Variants in PEX1 observed in about 807,000 individuals in gnomAD.
PEX1 encodes the protein peroxisomal biogenesis factor 1.
Under a neutral mutation model 152.5 loss-of-function variants are expected in PEX1, and 97 were observed. The ratio of observed to expected loss-of-function variants is 0.64; its 90% CI spans 0.54 to 0.75. The LOEUF (loss-of-function observed/expected upper bound fraction) is 0.75. Ranked by LOEUF, PEX1 falls within the 30% of genes least tolerant of loss-of-function variation. The probability of loss-of-function intolerance (pLI) is 0.00; values close to 1 mark genes in which losing one functional copy is unlikely to be tolerated. For synonymous variants in PEX1, 485 were observed against 531.6 expected (o/e 0.91, Z 1.21); for missense variants, 1,357 against 1,516.3 (o/e 0.89, Z 1.74).
At chr7:92,518,316 A>T (rs1433384713) in intron 3 of PEX1, 61 bp from the exon 4 acceptor site, 18 of 1,035,416 alleles carry the variant, frequency 1.7e-5, no homozygotes, top group Non-Finnish European at 4.5e-6. Flanking sequence ...ATATCTAGTT[A>T]AAAAAAATCT....
intron 3 of PEX1, 56 bp downstream of exon 3, chr7:92,518,939 G>T: frequency 8.6e-7 from 1 of 1,159,570 alleles, no homozygotes. Flanking sequence ...TAAAGACATT[G>T]ATATTGTGAA....
At position 92,513,893 on chromosome 7, in the gene PEX1, G is replaced by A. The variant is rs753982458; in HGVS notation, c.1314C>T (p.Thr438=). Residue 438 remains threonine (T), a synonymous_variant, in exon 6 of 24, where the codon ACC becomes ACT. Coordinates refer to ENST00000248633, the MANE Select transcript of PEX1 (RefSeq NM_000466.3). ...AVVRITPVEV[T]PKIPRSLKLQ... ...ACTTTAGAGATCTTGGAATTTTAGG[G>A]GTAACTTCCACTGGAGTTATCCTGA... 6.3e-7 allele frequency: 1 copy of A among 1,598,016 alleles called. No individual in the cohort carries two copies. Among genetic ancestry groups the A allele is most frequent in the South Asian group, 1.1e-5 (1 of 90,612 alleles).
At chr7:92,516,072 AAAG>A (rs767539916) in intron 5 of PEX1, among the ~76,000 whole-genome samples, 134 of 146,316 alleles carry the variant, frequency 9.2e-4, no homozygotes, top group South Asian at 2.7e-3. Context: ...AAAGAAAAGA[AAAG>A]AAAAGAAAAG....
chr7:92,490,886 A>G (rs1310137697), intron 21 of PEX1, among the ~76,000 whole-genome samples: 2 of 152,234 alleles, frequency 1.3e-5, no homozygotes, highest in Non-Finnish European at 2.9e-5. Context: ...TATCACAGAT[A>G]ACACTTTGTT....
At position 92,517,494 on chromosome 7, in the gene PEX1, G is replaced by C. The variant is rs137856931; in HGVS notation, c.1021C>G (p.Pro341Ala). ...TTTGTTTTACTTTGCTGTTGCTTTG[G>C]AGAAAGTAGCTTAACTAGCTTTCCA... ...TYGKLVKLLSPKQQQSKTKQN... is the reference protein window; with the variant it reads ...TYGKLVKLLSAKQQQSKTKQN... The change falls in exon 5 of 24, where the codon CCA (proline) becomes GCA (alanine). Residue 341 changes from proline (P) to alanine (A), a missense_variant. Coordinates refer to ENST00000248633, the MANE Select transcript of PEX1 (RefSeq NM_000466.3). The C allele has an allele frequency of 4.8e-5, 78 of 1,613,852 alleles. No individual in the cohort carries two copies. The highest frequency in any genetic ancestry group is 1.7e-4 in the Middle Eastern group (1 of 6,060).
intron 11 of PEX1, among the ~76,000 whole-genome samples, chr7:92,505,546 G>A (rs901154551): frequency 6.6e-6 from 1 of 152,204 alleles, no homozygotes; most frequent in Admixed American, 6.5e-5. Flanking sequence ...TAGGATGTGG[G>A]AAAACATAAG....
chr7:92,493,158 TAAAAAATAAAATTAAA>T (rs756552325), intron 19 of PEX1, 29 bp from the exon 20 acceptor site: 1 of 1,249,312 alleles, frequency 8.0e-7, no homozygotes, highest in East Asian at 2.5e-5. Context: ...ATTTAACAAA[TAAAAAATAAAATTAAA>T]AATATTATCT....
chr7:92,487,211 A>G lies in PEX1; in HGVS notation c.*246T>C, dbSNP rs1478955802. 1.5e-5 allele frequency: 4 copies of G among 269,894 alleles called. No homozygotes were observed. Among genetic ancestry groups the G allele is most frequent in the Non-Finnish European group, 2.8e-5 (4 of 145,242 alleles). 16.7% of individuals were successfully genotyped at this position (269,894 alleles called of 1,614,324 possible). A position where few individuals can be genotyped will look rare whatever the true frequency, so the allele number is the denominator to read the frequency against. ...TCCACCATTTGGCTAATATTATTTC[A>G]TTAAAGACTGAATTTAGATTTTAGG... On this transcript the variant is annotated 3_prime_UTR_variant, in exon 24 of 24. Coordinates refer to ENST00000248633, the MANE Select transcript of PEX1 (RefSeq NM_000466.3).
At chr7:92,498,017 G>A (rs1440783627) in intron 16 of PEX1, among the ~76,000 whole-genome samples, 1 of 134,438 alleles carries the variant, frequency 7.4e-6, no homozygotes, top group Non-Finnish European at 1.5e-5. Context: ...AGTGAGCCGA[G>A]ATCATGCCAC....
intron 16 of PEX1, among the ~76,000 whole-genome samples, chr7:92,497,465 AAG>A (rs1288279492): frequency 2.0e-5 from 3 of 152,090 alleles, no homozygotes; most frequent in African/African-American, 4.8e-5. Flanking sequence ...AAAAAAAAAA[AAG>A]AGAATATATA....
chr7:92,489,819 T>TA lies in PEX1; in HGVS notation c.3530dup (p.Leu1177PhefsTer54). ...GGCAACCCTCTTGTGAAGCTGTCCT[T>TA]AACACTGGAGGCTGTGAAAACAACT... On this transcript the variant is annotated frameshift_variant, in exon 22 of 24. Coordinates refer to ENST00000248633, the MANE Select transcript of PEX1 (RefSeq NM_000466.3). LOFTEE classifies it high-confidence loss of function. 2 of 1,614,012 alleles carry TA rather than the reference T, an allele frequency of 1.2e-6. No homozygotes were observed. The highest frequency in any genetic ancestry group is 2.7e-5 in the African/African-American group (2 of 75,042).
intron 21 of PEX1, among the ~76,000 whole-genome samples, chr7:92,490,822 T>G (rs1436885307): frequency 6.6e-6 from 1 of 152,174 alleles, no homozygotes; most frequent in Non-Finnish European, 1.5e-5. Flanking sequence ...ATCAAAACAC[T>G]TTCCTGTTGA....
intron 6 of PEX1, among the ~76,000 whole-genome samples, chr7:92,512,867 G>A (rs550612933): frequency 6.6e-6 from 1 of 152,086 alleles, no homozygotes; most frequent in East Asian, 1.9e-4. Context: ...TTGGCCTCAA[G>A]CAATCCTCCC....
chr7:92,491,142 G>C (rs1434301434), intron 21 of PEX1, 130 bp downstream of exon 21: 2 of 675,344 alleles, frequency 3.0e-6, no homozygotes, highest in Non-Finnish European at 5.3e-6. Flanking sequence ...CAAGAAACAA[G>C]ACTATTTTAC....
chr7:92,518,819 C>T, intron 3 of PEX1, 176 bp downstream of exon 3: 1 of 624,622 alleles, frequency 1.6e-6, no homozygotes, highest in Non-Finnish European at 2.9e-6. Context: ...ATCCACCTGC[C>T]TTGGCCTCCC....
intron 1 of PEX1, among the ~76,000 whole-genome samples, chr7:92,522,755 A>T (rs146842557): frequency 1.2e-4 from 19 of 152,336 alleles, no homozygotes; most frequent in African/African-American, 4.1e-4. Context: ...AAATGTAGCA[A>T]TATAATTTTA....
rs1792426703 is a variant in PEX1 at position 92,510,835 on chromosome 7, G to T, written c.1587+109C>A. On this transcript the variant is annotated intron_variant, in intron 8 of 23. Coordinates refer to ENST00000248633, the MANE Select transcript of PEX1 (RefSeq NM_000466.3). ...ATCAAGTTATTCCTTACTCTTAGCA[G>T]GTTTTTAATACACTTCACAATGCAA... 6 of 639,010 alleles carry T rather than the reference G, an allele frequency of 9.4e-6. 1 individual carries two copies. Among genetic ancestry groups the T allele is most frequent in the Non-Finnish European group, 1.4e-5 (5 of 353,694 alleles). 39.6% of individuals were successfully genotyped at this position (639,010 alleles called of 1,614,324 possible).
At chr7:92,516,055 A>AGAGACG (rs1321793051) in intron 5 of PEX1, among the ~76,000 whole-genome samples, 10 of 85,792 alleles carry the variant, frequency 1.2e-4, no homozygotes, top group African/African-American at 4.4e-4. Flanking sequence ...AGAGAAGAGA[A>AGAGACG]AAAAGAAAAG....
At chr7:92,521,110 C>T (rs1294735883) in intron 2 of PEX1, among the ~76,000 whole-genome samples, 2 of 152,104 alleles carry the variant, frequency 1.3e-5, no homozygotes, top group Non-Finnish European at 2.9e-5. Context: ...CAAGCATTTG[C>T]TACCATGCCC....
Sources: allele counts gnomAD v4.1 joint callset (sites outside exome capture counted in the v4.1 genomes callset), GRCh38; gene constraint gnomAD v4.1.1; transcripts MANE v1.5; gene names NCBI Gene and HGNC (gene_info 2026-07-23, HGNC 2026-07-21).